Variants in MASTL observed in about 807,000 individuals in gnomAD.
MASTL encodes the protein serine/threonine-protein kinase greatwall.
In MASTL, 54 loss-of-function variants were observed where a neutral mutation model predicts 82.5. The observed-to-expected ratio is 0.65, with a 90% CI of 0.53 to 0.82. The LOEUF is 0.82. Ranked by LOEUF, MASTL falls within the 40% of genes least tolerant of loss-of-function variation. The pLI, the probability that MASTL is intolerant of heterozygous loss-of-function variation, is 0.00. For missense variants in MASTL, 950 were observed against 1,047.8 expected (o/e 0.91, Z 1.29); for synonymous variants, 323 against 368.9 (o/e 0.88, Z 1.43).
At chr10:27,181,200 C>T (rs2058276640) in intron 10 of MASTL, 134 bp downstream of exon 10, 3 of 690,016 alleles carry the variant, frequency 4.3e-6, no homozygotes, top group South Asian at 3.0e-5. Context: ...GCCTGGCCAA[C>T]ATGGTAAAAC....
intron 9 of MASTL, among the ~76,000 whole-genome samples, chr10:27,176,692 G>C (rs2058110880): frequency 2.0e-5 from 3 of 152,038 alleles, no homozygotes; most frequent in African/African-American, 4.8e-5. Context: ...AGCATCCCTT[G>C]ATCAACTACT....
intron 3 of MASTL, 38 bp from the exon 4 acceptor site, chr10:27,161,055 CT>C (rs2057554792): frequency 7.6e-7 from 1 of 1,324,278 alleles, no homozygotes; most frequent in Non-Finnish European, 1.1e-6. Flanking sequence ...AAAACTAGCC[CT>C]TTTTTGGTTA....
intron 10 of MASTL, 87 bp from the exon 11 acceptor site, chr10:27,181,393 A>G: frequency 9.3e-7 from 1 of 1,069,908 alleles, no homozygotes; most frequent in Non-Finnish European, 1.4e-6. Flanking sequence ...CTCCATCTCA[A>G]AAAACAAAAA....
intron 11 of MASTL, among the ~76,000 whole-genome samples, chr10:27,186,003 C>T (rs1478451371): frequency 3.9e-5 from 6 of 152,120 alleles, no homozygotes; most frequent in African/African-American, 7.2e-5. Flanking sequence ...GTAGGAGAAT[C>T]GCTTGAACCC....
chr10:27,165,013 T>A, intron 4 of MASTL, 51 bp from the exon 5 acceptor site: 1 of 1,124,486 alleles, frequency 8.9e-7, no homozygotes, highest in Non-Finnish European at 1.4e-6. Context: ...TTTTAGTCAA[T>A]GGGAGGTAAA....
chr10:27,175,164 A>G (rs2058064342), intron 9 of MASTL, among the ~76,000 whole-genome samples: 1 of 137,774 alleles, frequency 7.3e-6, no homozygotes, highest in African/African-American at 2.7e-5. Flanking sequence ...TTAACTGAAA[A>G]TTCTTTTATT....
intron 9 of MASTL, among the ~76,000 whole-genome samples, chr10:27,175,176 ATTATTTATTTAT>A (rs56359245): frequency 6.7e-6 from 1 of 148,636 alleles, no homozygotes. Flanking sequence ...TCTTTTATTT[ATTATTTATTTAT>A]TTATTTATTT....
chr10:27,171,025 GT>G lies in MASTL; in HGVS notation c.2068del (p.Ser690HisfsTer6). On this transcript the variant is annotated frameshift_variant, in exon 8 of 12. Transcript: ENST00000375940. LOFTEE classifies it high-confidence loss of function. ...DAMDISCAYS[G>X]SYPMAITPTQ... ...ATGGATATTTCGTGTGCCTACAGTG[GT>G]TCATATCCCATGGCTATAACCCCTA... is the stretch of plus-strand genomic sequence containing the variant. 1 of 1,614,050 alleles carries G rather than the reference GT, an allele frequency of 6.2e-7. No individual in the cohort carries two copies. Among genetic ancestry groups the G allele is most frequent in the East Asian group, 2.2e-5 (1 of 44,860 alleles).
intron 8 of MASTL, among the ~76,000 whole-genome samples, chr10:27,171,623 G>T (rs1455955469): frequency 6.6e-6 from 1 of 150,814 alleles, no homozygotes; most frequent in African/African-American, 2.4e-5. Flanking sequence ...AGTAGAGTCG[G>T]AATTTCACCA....
rs1032733330 is a variant in MASTL at position 27,170,484 on chromosome 10, A to G, written c.1525A>G (p.Ile509Val). 4 of 1,614,118 alleles carry G rather than the reference A, an allele frequency of 2.5e-6. No individual in the cohort carries two copies. The highest frequency in any genetic ancestry group is 3.4e-6 in the Non-Finnish European group (4 of 1,180,014). Residue 509 changes from isoleucine (I) to valine (V), a missense_variant, in exon 8 of 12, where the codon ATT (isoleucine) becomes GTT (valine). Transcript: ENST00000375940. ...AAATGACTGTGCTAATAAGGAGAAC[A>G]TTGTCAATTCTTTTACTGATAAACA... ...QQNDCANKEN[I>V]VNSFTDKQQT...
intron 11 of MASTL, among the ~76,000 whole-genome samples, chr10:27,185,382 C>T (rs572264456): frequency 4.6e-5 from 7 of 152,218 alleles, no homozygotes; most frequent in East Asian, 1.9e-4. Context: ...CCTATAATCC[C>T]AGCACTTTGG....
At chr10:27,157,293 TCATGATCAGTTGAAATGAAAA>T (rs1386594772) in intron 1 of MASTL, among the ~76,000 whole-genome samples, 2 of 152,192 alleles carry the variant, frequency 1.3e-5, no homozygotes, top group African/African-American at 4.8e-5. Flanking sequence ...CAGTACTTAG[TCATGATCAGTTGAAATGAAAA>T]CACCAATCCA....
intron 3 of MASTL, among the ~76,000 whole-genome samples, chr10:27,160,123 G>C (rs2057518727): frequency 7.2e-6 from 1 of 139,772 alleles, no homozygotes; most frequent in Admixed American, 7.3e-5. Context: ...AGCCTCCCAA[G>C]TGTCTGGGAG....
chr10:27,156,829 ATTTTT>A (rs10660334), intron 1 of MASTL, among the ~76,000 whole-genome samples: 2 of 122,376 alleles, frequency 1.6e-5, no homozygotes, highest in African/African-American at 6.5e-5. Context: ...CCTGCTATGA[ATTTTT>A]TTTTTTTTTT....
Position 27,180,963 on chromosome 10 carries a change from A to G in MASTL, c.2277A>G (p.Val759=), listed in dbSNP as rs1564504730. The G allele has an allele frequency of 1.2e-6, 2 of 1,609,326 alleles. No individual in the cohort carries two copies. Among genetic ancestry groups the G allele is most frequent in the Non-Finnish European group, 1.7e-6 (2 of 1,175,592 alleles). ...LLLGRAHGPA[V]DWWALGVCLF... ...CCTCTTCGATTACAGGTCCTGCGGT[A>G]GACTGGTGGGCACTTGGAGTTTGCT... Residue 759 remains valine, a synonymous_variant, in exon 10 of 12, where the codon GTA becomes GTG. Transcript: ENST00000375940.
intron 9 of MASTL, among the ~76,000 whole-genome samples, chr10:27,178,556 TG>T (rs1242629896): frequency 6.6e-6 from 1 of 152,154 alleles, no homozygotes; most frequent in Non-Finnish European, 1.5e-5. Flanking sequence ...AAAACAAATC[TG>T]TTCTTTTTCT....
chr10:27,162,534 T>C (rs1195899718), intron 4 of MASTL, among the ~76,000 whole-genome samples: 2 of 152,042 alleles, frequency 1.3e-5, no homozygotes, highest in African/African-American at 4.8e-5. Flanking sequence ...CTGAGTGTGG[T>C]GGCACACGCC....
chr10:27,157,717 G>T (rs1222359747), intron 1 of MASTL, among the ~76,000 whole-genome samples: 5 of 152,014 alleles, frequency 3.3e-5, no homozygotes, highest in Non-Finnish European at 7.4e-5. Context: ...CTTGAAACTT[G>T]AAAAGAGTAA....
rs770947411 is a variant in MASTL, at chr10:27,170,871, C to T, written c.1912C>T (p.Pro638Ser). The T allele has an allele frequency of 3.1e-6, 5 of 1,614,008 alleles. No individual in the cohort carries two copies. In the African/African-American group the frequency reaches 5.3e-5, roughly 17 times the overall value. The stretch of plus-strand genomic sequence containing the variant: ...AGAGAGTAACCAAAAAATGTTAGGT[C>T]CTCCTTTGGAGGTGCTGAAAACGTT... ...VQESNQKMLG[P>S]PLEVLKTLAS... Residue 638 changes from proline (P) to serine (S), a missense_variant, in exon 8 of 12, where the codon CCT becomes TCT. By Grantham distance (74) the Pro-to-Ser change is moderately conservative. Coordinates refer to ENST00000375940, the MANE Select transcript of MASTL (RefSeq NM_001172303.3).
Sources: gnomAD v4.1 joint callset for allele counts (sites outside exome capture counted in the v4.1 genomes callset) on GRCh38, gnomAD v4.1.1 for gene constraint, MANE v1.5 for transcripts, NCBI Gene and HGNC (gene_info 2026-07-23, HGNC 2026-07-21) for gene names.